ADAMTS17: variants seen among roughly 807,000 people sequenced by gnomAD.
The protein encoded by ADAMTS17 is ADAM metallopeptidase with thrombospondin type 1 motif 17.
In ADAMTS17, 113 loss-of-function variants were observed where a neutral mutation model predicts 141.5. That is an observed-to-expected ratio of 0.80 (90% CI 0.69 to 0.93). ADAMTS17 has a LOEUF of 0.93. Among genes scored for constraint, ADAMTS17 ranks in the 40% least tolerant of loss-of-function variants. The pLI is 0.00. For missense variants in ADAMTS17, 1,659 were observed against 1,517.9 expected, an observed-to-expected ratio of 1.09 and a Z score of -1.54; for synonymous variants, 768 against 630.6, an observed-to-expected ratio of 1.22 and a Z score of -3.27.
intron 4 of ADAMTS17, among the ~76,000 whole-genome samples, chr15:100,271,369 C>G (rs558243179): frequency 4.6e-5 from 7 of 152,182 alleles, no homozygotes; most frequent in African/African-American, 1.4e-4. Flanking sequence ...CCCATTTTTC[C>G]GCATCACTGT....
Position 100,054,021 on chromosome 15 carries a change from C to T in ADAMTS17, c.2171G>A (p.Ser724Asn), listed in dbSNP as rs73474408. The T allele has an allele frequency of 9.2e-4, 1,490 of 1,614,186 alleles. 20 individuals carry two copies. In the African/African-American group the frequency reaches 0.018, roughly 19 times the overall value. ...TCCGGGGAGCTCTATCTTCCAGTCA[C>T]TGTTGATGGACCCCTTACCCGAGTC... ...LKDSGKGSIN[S>N]DWKIELPGEF... is the part of the protein sequence containing the mutation. Residue 724 changes from serine (S) to asparagine (N), a missense_variant, in exon 16 of 22, where the codon AGT becomes AAT. Coordinates refer to ENST00000268070, the MANE Select transcript of ADAMTS17 (RefSeq NM_139057.4).
chr15:100,144,498 C>T lies in ADAMTS17; in HGVS notation c.1473+8114G>A, dbSNP rs182878890. Among the ~76,000 whole-genome samples, 964 of 151,872 alleles carry T rather than the reference C, an allele frequency of 6.3e-3. 13 individuals are homozygous for T. The highest frequency in any genetic ancestry group is 0.022 in the African/African-American group (910 of 41,390). ...CTGGGAGGCGGATATCGCAGTGAGC[C>T]GAGACTGTGCCACTGCTCTCCAGCC... is the stretch of plus-strand genomic sequence containing the variant. On this transcript the variant is annotated intron_variant, in intron 10 of 21. Coordinates refer to ENST00000268070, the MANE Select transcript of ADAMTS17 (RefSeq NM_139057.4).
At chr15:100,337,945 T>C (rs74038412) in intron 2 of ADAMTS17, among the ~76,000 whole-genome samples, 45 of 152,334 alleles carry the variant, frequency 3.0e-4, no homozygotes, top group African/African-American at 8.9e-4. Context: ...GATCCGAACT[T>C]ACATAAATTC....
chr15:100,329,903 C>T (rs2045999029), intron 3 of ADAMTS17, among the ~76,000 whole-genome samples: 1 of 152,190 alleles, frequency 6.6e-6, no homozygotes, highest in African/African-American at 2.4e-5. Context: ...CCCAATGTCA[C>T]CGGGATACTA....
chr15:100,031,994 G>C (rs746851855), intron 18 of ADAMTS17, among the ~76,000 whole-genome samples: 3 of 152,246 alleles, frequency 2.0e-5, no homozygotes, highest in Non-Finnish European at 4.4e-5. Flanking sequence ...ATACAGGAAT[G>C]ACGGAGGTGT....
At chr15:100,131,821 C>G (rs2038059735) in intron 12 of ADAMTS17, among the ~76,000 whole-genome samples, 186 bp downstream of exon 12, 1 of 152,240 alleles carries the variant, frequency 6.6e-6, no homozygotes, top group Admixed American at 6.5e-5. Context: ...ACAGAAAGAG[C>G]AATTTAAGCT....
intron 20 of ADAMTS17, among the ~76,000 whole-genome samples, chr15:99,977,510 T>C (rs933412398): frequency 5.4e-5 from 8 of 146,932 alleles, no homozygotes; most frequent in East Asian, 2.1e-4. Context: ...ACCTCCCTGG[T>C]TGAAGTGATT....
chr15:100,106,128 C>G (rs1479834978), intron 14 of ADAMTS17, among the ~76,000 whole-genome samples: 1 of 152,150 alleles, frequency 6.6e-6, no homozygotes, highest in Non-Finnish European at 1.5e-5. Context: ...TCTGGAGTAG[C>G]TGGAACTACA....
At chr15:100,219,533 G>A (rs938676296) in intron 7 of ADAMTS17, among the ~76,000 whole-genome samples, 3 of 152,260 alleles carry the variant, frequency 2.0e-5, no homozygotes, top group East Asian at 1.9e-4. Flanking sequence ...ATCAGAGAGC[G>A]TTATCGTCCT....
At position 100,262,404 on chromosome 15, in the gene ADAMTS17, C is replaced by G; in HGVS notation, c.821G>C (p.Gly274Ala). The change falls in exon 5 of 22, where the codon GGG (glycine) becomes GCG (alanine). Residue 274 changes from glycine (G) to alanine (A), a missense_variant. Gly to Ala is a moderately conservative substitution (Grantham distance 60). Coordinates refer to ENST00000268070, the MANE Select transcript of ADAMTS17 (RefSeq NM_139057.4). ...VYNMFQHQSL[G>A]IKINIQVTKL... ...GGTCACTTGAATGTTAATTTTAATCCCCAGGCTCTGGTGCTGAAACATATT... is the reference window on the plus strand; with the variant it reads ...GGTCACTTGAATGTTAATTTTAATCGCCAGGCTCTGGTGCTGAAACATATT... 1 of 1,613,696 alleles carries G rather than the reference C, an allele frequency of 6.2e-7. No individual in the cohort carries two copies. The highest frequency in any genetic ancestry group is 8.5e-7 in the Non-Finnish European group (1 of 1,179,884).
chr15:99,984,409 C>T (rs567911629), intron 20 of ADAMTS17, among the ~76,000 whole-genome samples: 23 of 152,296 alleles, frequency 1.5e-4, no homozygotes, highest in South Asian at 4.1e-4. Context: ...AACCACGGAA[C>T]GCACCATTTA....
At chr15:100,292,535 C>T (rs150743008) in intron 3 of ADAMTS17, among the ~76,000 whole-genome samples, 3,752 of 151,970 alleles carry the variant, frequency 0.025, 63 homozygotes, top group Non-Finnish European at 0.037. Flanking sequence ...ACACTCACCC[C>T]GTGAGAAATT....
chr15:100,085,899 A>G (rs1465692604), intron 15 of ADAMTS17, among the ~76,000 whole-genome samples: 1 of 152,178 alleles, frequency 6.6e-6, no homozygotes, highest in Non-Finnish European at 1.5e-5. Flanking sequence ...AACAAGCCAA[A>G]TTGTAAAGAC....
intron 7 of ADAMTS17, among the ~76,000 whole-genome samples, chr15:100,202,896 G>C (rs2041388706): frequency 6.6e-6 from 1 of 152,202 alleles, no homozygotes; most frequent in East Asian, 1.9e-4. Context: ...TTATGCTGGG[G>C]AGAGGCTTTT....
intron 17 of ADAMTS17, 128 bp from the exon 18 acceptor site, chr15:100,049,120 T>G: frequency 7.2e-7 from 1 of 1,390,900 alleles, no homozygotes; most frequent in Non-Finnish European, 1.0e-6. Context: ...GTGACTGCTG[T>G]AAATGTCATG....
At chr15:100,227,734 A>G (rs1480966197) in intron 7 of ADAMTS17, among the ~76,000 whole-genome samples, 4 of 152,232 alleles carry the variant, frequency 2.6e-5, no homozygotes, top group Non-Finnish European at 4.4e-5. Context: ...TCCCTGGGCT[A>G]CGTGGGATTG....
chr15:99,996,344 A>G (rs537189670), intron 19 of ADAMTS17, among the ~76,000 whole-genome samples: 8 of 152,214 alleles, frequency 5.3e-5, no homozygotes, highest in Non-Finnish European at 1.2e-4. Context: ...AGGCTCACCT[A>G]GAGTACTGGA....
At chr15:100,197,704 A>G (rs1336108974) in intron 8 of ADAMTS17, among the ~76,000 whole-genome samples, 1 of 152,154 alleles carries the variant, frequency 6.6e-6, no homozygotes, top group Non-Finnish European at 1.5e-5. Context: ...ATTGCACATA[A>G]CATCATTTCC....
intron 15 of ADAMTS17, among the ~76,000 whole-genome samples, chr15:100,077,461 CAA>C (rs61464362): frequency 0.52 from 72,712 of 139,082 alleles, 21,410 homozygotes; most frequent in Non-Finnish European, 0.68. Flanking sequence ...GACTCCCTCT[CAA>C]AAAAAAAAAA....
Sources: gnomAD v4.1 joint callset for allele counts (sites outside exome capture counted in the v4.1 genomes callset) on GRCh38, gnomAD v4.1.1 for gene constraint, MANE v1.5 for transcripts, NCBI Gene and HGNC (gene_info 2026-07-23, HGNC 2026-07-21) for gene names.